The following DOCK2 variants were observed in gnomAD, a reference collection of about 807,000 sequenced individuals.
DOCK2 encodes the protein dedicator of cytokinesis 2, also known as dedicator of cytokinesis protein 2.
In DOCK2, 87 loss-of-function variants were observed where a neutral mutation model predicts 248.9. The ratio of observed to expected loss-of-function variants is 0.35; its 90% CI spans 0.29 to 0.42. The LOEUF is 0.42. Among genes scored for constraint, DOCK2 ranks in the 10% least tolerant of loss-of-function variants. The pLI is 1.00. For synonymous variants in DOCK2, 805 were observed against 821.6 expected (o/e 0.98, Z 0.35); for missense variants, 1,747 against 2,300.2 (o/e 0.76, Z 4.92).
At position 169,902,906 on chromosome 5, in the gene DOCK2, T is replaced by A. The variant is rs192322505; in HGVS notation, c.2799+62054T>A. The stretch of plus-strand genomic sequence containing the variant: ...CAAGGTCAAGAGATCGAGACCATCT[T>A]GGCCAACATGGTGAAACCCTGTCTC... On this transcript the variant is annotated intron_variant, in intron 27 of 51. Transcript: ENST00000520908. Among the ~76,000 whole-genome samples the A allele has an allele frequency of 2.1e-3, 313 of 152,158 alleles. 1 individual carries two copies. The highest frequency in any genetic ancestry group is 7.1e-3 in the African/African-American group (294 of 41,508).
At chr5:170,069,905 C>T (rs1312930951) in intron 46 of DOCK2, among the ~76,000 whole-genome samples, 1 of 152,168 alleles carries the variant, frequency 6.6e-6, no homozygotes, top group East Asian at 1.9e-4. Flanking sequence ...TTCCCTCTCT[C>T]TCTTAGAAGC....
At chr5:170,004,449 AT>A (rs1754946269) in intron 30 of DOCK2, among the ~76,000 whole-genome samples, 2 of 151,992 alleles carry the variant, frequency 1.3e-5, no homozygotes, top group African/African-American at 4.8e-5. Context: ...TTTTTCATGT[AT>A]TTTTTGGCTG....
At chr5:169,969,867 A>T (rs1431118715) in intron 27 of DOCK2, among the ~76,000 whole-genome samples, 2 of 152,238 alleles carry the variant, frequency 1.3e-5, no homozygotes, top group Non-Finnish European at 2.9e-5. Context: ...ATAGACTGGG[A>T]TTGCTGGATC....
Position 169,995,065 on chromosome 5 carries a change from A to G in DOCK2, c.2994-1021A>G, listed in dbSNP as rs181055653. ...TTTTTTTTTGAGAGAGACTCTCACT[A>G]TTGCCCAGGCTGGAGTGCAGTGTCA... On this transcript the variant is annotated intron_variant, in intron 29 of 51. Coordinates refer to ENST00000520908, the MANE Select transcript of DOCK2 (RefSeq NM_004946.3). Among the ~76,000 whole-genome samples, 6 of 145,590 alleles carry G rather than the reference A, an allele frequency of 4.1e-5. No homozygotes were observed. In the East Asian group the frequency reaches 9.9e-4, roughly 24 times the overall value.
intron 22 of DOCK2, among the ~76,000 whole-genome samples, chr5:169,719,663 T>C (rs992251112): frequency 2.0e-5 from 3 of 152,204 alleles, no homozygotes; most frequent in African/African-American, 7.2e-5. Flanking sequence ...GATTGTCTTA[T>C]AAGGCAAGTT....
intron 44 of DOCK2, among the ~76,000 whole-genome samples, chr5:170,059,689 C>T (rs1757261423): frequency 6.6e-6 from 1 of 152,184 alleles, no homozygotes; most frequent in Admixed American, 6.5e-5. Flanking sequence ...CCTCCAAGTG[C>T]TAAGAATAGT....
intron 33 of DOCK2, among the ~76,000 whole-genome samples, chr5:170,023,686 A>G (rs1182076): frequency 0.018 from 2,711 of 152,270 alleles, 25 homozygotes; most frequent in Non-Finnish European, 0.028. Context: ...TCTCTTTTCC[A>G]GGTTCCTCCC....
At chr5:169,933,250 G>A (rs1775839856) in intron 27 of DOCK2, among the ~76,000 whole-genome samples, 1 of 152,228 alleles carries the variant, frequency 6.6e-6, no homozygotes, top group African/African-American at 2.4e-5. Context: ...TCCCCTACTT[G>A]GAGTGCATCA....
At chr5:170,056,131 G>GT (rs1194217473) in intron 42 of DOCK2, among the ~76,000 whole-genome samples, 1 of 152,228 alleles carries the variant, frequency 6.6e-6, no homozygotes, top group African/African-American at 2.4e-5. Context: ...GCCTCACGAA[G>GT]TGCCACAGCA....
intron 27 of DOCK2, among the ~76,000 whole-genome samples, chr5:169,926,575 G>A (rs184693423): frequency 3.1e-4 from 47 of 152,284 alleles, no homozygotes; most frequent in Admixed American, 1.3e-3. Flanking sequence ...CAGTGATGTG[G>A]CACATCAGCT....
At chr5:169,645,589 A>T (rs557092122) in intron 1 of DOCK2, among the ~76,000 whole-genome samples, 1 of 152,178 alleles carries the variant, frequency 6.6e-6, no homozygotes, top group Admixed American at 6.5e-5. Context: ...CTTTGATGAT[A>T]GTTTCTTTTG....
At chr5:169,743,231 T>C (rs1361599314) in intron 22 of DOCK2, among the ~76,000 whole-genome samples, 1 of 152,232 alleles carries the variant, frequency 6.6e-6, no homozygotes, top group East Asian at 1.9e-4. Context: ...CCTTGTAATC[T>C]AAAACCCTTA....
chr5:169,736,030 G>A (rs1008296786), intron 22 of DOCK2, among the ~76,000 whole-genome samples: 2 of 151,988 alleles, frequency 1.3e-5, no homozygotes, highest in African/African-American at 4.8e-5. Flanking sequence ...TAAACAACCA[G>A]ATCTTATGAG....
chr5:169,906,778 A>G (rs889841613), intron 27 of DOCK2, among the ~76,000 whole-genome samples: 2 of 152,202 alleles, frequency 1.3e-5, no homozygotes, highest in Non-Finnish European at 2.9e-5. Context: ...ACTGTCAGAA[A>G]GAATTGAAGG....
intron 32 of DOCK2, 26 bp from the exon 33 acceptor site, chr5:170,018,934 G>A: frequency 1.2e-6 from 2 of 1,611,676 alleles, no homozygotes; most frequent in Non-Finnish European, 1.7e-6. Context: ...ACTGTTTTAT[G>A]TGTTCATGTT....
Position 169,812,076 on chromosome 5 carries a change from G to T in DOCK2, c.2703+8870G>T, listed in dbSNP as rs143387678. On this transcript the variant is annotated intron_variant, in intron 26 of 51. Coordinates refer to ENST00000520908, the MANE Select transcript of DOCK2 (RefSeq NM_004946.3). ...CATCTAACTTCCCAACCCCAGAATGGGTCCTCAACCCTGGGTCCATGGCCT... is the reference window on the plus strand; with the variant it reads ...CATCTAACTTCCCAACCCCAGAATGTGTCCTCAACCCTGGGTCCATGGCCT... 1.6e-3 allele frequency among the ~76,000 whole-genome samples: 246 copies of T among 152,294 alleles called. 1 individual carries two copies. The highest frequency in any genetic ancestry group is 5.8e-3 in the African/African-American group (241 of 41,566).
In DOCK2 at chr5:169,704,759, ATGTGTGTGTG is replaced by A. The variant is rs56289708; in HGVS notation, c.1383+2370_1383+2379del. Reference sequence around the variant, plus strand: ...AAAACATCTCATTTACTCCATATATATGTGTGTGTGTGTGTGTGTGTGTGTGTGTGTGTGT... The same window carrying A: ...AAAACATCTCATTTACTCCATATATATGTGTGTGTGTGTGTGTGTGTGTGT... On this transcript the variant is annotated intron_variant, in intron 14 of 51. Transcript: ENST00000520908. Among the ~76,000 whole-genome samples the A allele has an allele frequency of 3.2e-3, 454 of 140,010 alleles. 4 individuals carry two copies. The highest frequency in any genetic ancestry group is 5.2e-3 in the East Asian group (25 of 4,784). 91.9% of individuals were successfully genotyped at this position (140,010 alleles called of 152,430 possible).
chr5:169,985,922 G>A lies in DOCK2; in HGVS notation c.2993G>A (p.Arg998Lys). 6.2e-7 allele frequency: 1 copy of A among 1,602,092 alleles called. No individual in the cohort carries two copies. The highest frequency in any genetic ancestry group is 1.7e-4 in the Middle Eastern group (1 of 6,004). Residue 998 changes from arginine (R) to lysine (K), a missense_variant and splice_region_variant, in exon 29 of 52, where the codon AGG (arginine) becomes AAG (lysine). Arg to Lys is a conservative substitution (Grantham distance 26). Coordinates refer to ENST00000520908, the MANE Select transcript of DOCK2 (RefSeq NM_004946.3). ...DWMAMSMVQNRVFLRAINKFA... is the reference protein window; with the variant it reads ...DWMAMSMVQNKVFLRAINKFA... ...ATGGCCATGAGCATGGTTCAAAACA[G>A]GTGAGCTGCTACCTGCTTCCGCAAA...
chr5:169,918,635 A>G (rs411348), intron 27 of DOCK2, among the ~76,000 whole-genome samples: 61,151 of 151,878 alleles, frequency 0.4, 13,019 homozygotes, highest in African/African-American at 0.55. Context: ...AAACTAGACC[A>G]GGTGCAGTGG....
Sources: allele counts gnomAD v4.1 joint callset (sites outside exome capture counted in the v4.1 genomes callset), GRCh38; gene constraint gnomAD v4.1.1; transcripts MANE v1.5; gene names NCBI Gene and HGNC (gene_info 2026-07-23, HGNC 2026-07-21).